The following SHB variants were observed in gnomAD, a reference collection of about 807,000 sequenced individuals.
SHB encodes the protein SH2 domain-containing adapter protein B.
In SHB, 20 loss-of-function variants were observed where a neutral mutation model predicts 52.3. The ratio of observed to expected loss-of-function variants is 0.38; its 90% CI spans 0.27 to 0.56. The LOEUF is 0.56. Among genes scored for constraint, SHB ranks in the 20% least tolerant of loss-of-function variants. The pLI is 0.71. For missense variants in SHB, 825 were observed against 723.3 expected (o/e 1.14, Z -1.61); for synonymous variants, 397 against 316.5 (o/e 1.25, Z -2.70).
chr9:37,999,605 A>G (rs1820988613), intron 2 of SHB, among the ~76,000 whole-genome samples: 1 of 151,868 alleles, frequency 6.6e-6, no homozygotes. Context: ...CAAGCGCCGC[A>G]TACTGAGTGG....
At chr9:38,017,692 C>T (rs7025915) in intron 1 of SHB, among the ~76,000 whole-genome samples, 1,996 of 152,322 alleles carry the variant, frequency 0.013, 44 homozygotes, top group African/African-American at 0.045. Flanking sequence ...CCACTTTCTC[C>T]GTGGCTGTGG....
intron 2 of SHB, among the ~76,000 whole-genome samples, chr9:37,977,089 A>G (rs1820665883): frequency 6.6e-6 from 1 of 152,228 alleles, no homozygotes; most frequent in Non-Finnish European, 1.5e-5. Flanking sequence ...GTTGGGTGGT[A>G]GTAACCTGGG....
chr9:37,946,998 G>A (rs1055145961), intron 5 of SHB, among the ~76,000 whole-genome samples: 19 of 152,152 alleles, frequency 1.2e-4, no homozygotes, highest in Admixed American at 1.2e-3. Flanking sequence ...CAGCATGCCT[G>A]GTGGTGTGCA....
chr9:38,060,639 T>C lies in SHB; in HGVS notation c.717+7290A>G, dbSNP rs765564541. 9.9e-5 allele frequency among the ~76,000 whole-genome samples: 15 copies of C among 152,228 alleles called. No homozygotes were observed. The South Asian group carries it at 1.4e-3, about 15-fold the overall frequency. ...AGAACTGCACCTAGCTCAGAGTATGTATAATAAAAGTATTAGCTAATATTA... is the reference window on the plus strand; with the variant it reads ...AGAACTGCACCTAGCTCAGAGTATGCATAATAAAAGTATTAGCTAATATTA... On this transcript the variant is annotated intron_variant, in intron 1 of 5. Coordinates refer to ENST00000377707, the MANE Select transcript of SHB (RefSeq NM_003028.3).
chr9:37,937,066 T>A (rs1362666515), intron 5 of SHB, among the ~76,000 whole-genome samples: 1 of 152,224 alleles, frequency 6.6e-6, no homozygotes, highest in African/African-American at 2.4e-5. Context: ...CTAGTCAGAC[T>A]TACTTTCTTT....
At chr9:37,957,158 T>C (rs933189873) in intron 3 of SHB, among the ~76,000 whole-genome samples, 1 of 152,170 alleles carries the variant, frequency 6.6e-6, no homozygotes, top group African/African-American at 2.4e-5. Flanking sequence ...GGCCAGAGCC[T>C]GCAGAGGAAG....
Position 38,068,639 on chromosome 9 carries a change from T to C in SHB, c.7A>G (p.Lys3Glu). The change falls in exon 1 of 6, where the codon AAG becomes GAG. Residue 3 changes from lysine to glutamate, a missense_variant. Lys to Glu is a moderately conservative substitution (Grantham distance 56, BLOSUM62 1). Coordinates refer to ENST00000377707, the MANE Select transcript of SHB (RefSeq NM_003028.3). ...AAGCTGAAGTACTTGTTTAGCCACT[T>C]GGCCATGGCGAGAGGCCGCCTAGGG... is the stretch of plus-strand genomic sequence containing the variant. Reference protein sequence around the residue: MAKWLNKYFSLGN... With the variant: MAEWLNKYFSLGN... 2 of 1,451,706 alleles carry C rather than the reference T, an allele frequency of 1.4e-6. No homozygotes were observed. Among genetic ancestry groups the C allele is most frequent in the Non-Finnish European group, 1.8e-6 (2 of 1,111,224 alleles). The allele number at this position is 1,451,706 out of a possible 1,614,324, so 89.9% of individuals were successfully genotyped here. A position where few individuals can be genotyped will look rare whatever the true frequency, so the allele number is the denominator to read the frequency against.
chr9:38,004,105 C>T (rs1260595788), intron 2 of SHB, among the ~76,000 whole-genome samples: 1 of 152,184 alleles, frequency 6.6e-6, no homozygotes, highest in Non-Finnish European at 1.5e-5. Flanking sequence ...TGCTCCCAGG[C>T]CCCCAGCTGT....
intron 5 of SHB, among the ~76,000 whole-genome samples, chr9:37,922,434 G>GCCAA (rs766449165): frequency 3.9e-5 from 6 of 152,232 alleles, no homozygotes; most frequent in Non-Finnish European, 5.9e-5. Flanking sequence ...AATGTCCTCT[G>GCCAA]TACCTTGGCT....
At chr9:37,940,738 T>C (rs1832425456) in intron 5 of SHB, among the ~76,000 whole-genome samples, 1 of 152,116 alleles carries the variant, frequency 6.6e-6, no homozygotes, top group Admixed American at 6.5e-5. Context: ...GACCAGAAAA[T>C]TGAAAAAGTC....
At chr9:38,035,395 G>C (rs1045210204) in intron 1 of SHB, among the ~76,000 whole-genome samples, 1 of 151,950 alleles carries the variant, frequency 6.6e-6, no homozygotes, top group Admixed American at 6.5e-5. Flanking sequence ...AAACTCTATA[G>C]TCCTCCTGAG....
chr9:38,056,952 C>G (rs7341883), intron 1 of SHB, among the ~76,000 whole-genome samples: 43 of 152,344 alleles, frequency 2.8e-4, no homozygotes, highest in African/African-American at 1.0e-3. Flanking sequence ...ATGCAACTAA[C>G]TTGCATTAGA....
chr9:38,039,353 C>T (rs2118135286), intron 1 of SHB, among the ~76,000 whole-genome samples: 1 of 152,350 alleles, frequency 6.6e-6, no homozygotes, highest in East Asian at 1.9e-4. Context: ...AATTGAAAGC[C>T]TAAGGCAAGA....
At chr9:37,998,129 G>A (rs768581268) in intron 2 of SHB, among the ~76,000 whole-genome samples, 30 of 150,716 alleles carry the variant, frequency 2.0e-4, no homozygotes, top group African/African-American at 3.7e-4. Context: ...GGAGCGCGAC[G>A]GGGATTTACA....
intron 1 of SHB, among the ~76,000 whole-genome samples, chr9:38,017,503 T>C (rs1022022688): frequency 6.6e-6 from 1 of 152,154 alleles, no homozygotes; most frequent in Non-Finnish European, 1.5e-5. Flanking sequence ...CTGCCAGGAA[T>C]GTGATGCCCG....
intron 1 of SHB, among the ~76,000 whole-genome samples, chr9:38,021,693 G>A (rs958504960): frequency 1.3e-5 from 2 of 151,954 alleles, no homozygotes; most frequent in Admixed American, 6.5e-5. Context: ...AAAGAATGAT[G>A]AGAGAGGCAG....
intron 3 of SHB, among the ~76,000 whole-genome samples, chr9:37,972,470 C>G (rs998188002): frequency 6.6e-6 from 1 of 152,192 alleles, no homozygotes; most frequent in Non-Finnish European, 1.5e-5. Flanking sequence ...GGTGATGGGA[C>G]AGGTTGTCCT....
At chr9:38,055,374 T>G (rs1412333196) in intron 1 of SHB, among the ~76,000 whole-genome samples, 1 of 152,050 alleles carries the variant, frequency 6.6e-6, no homozygotes, top group Non-Finnish European at 1.5e-5. Flanking sequence ...CAGGCTATAG[T>G]GGTCTGGAAA....
chr9:38,024,563 T>C (rs1355459245), intron 1 of SHB, among the ~76,000 whole-genome samples: 1 of 152,166 alleles, frequency 6.6e-6, no homozygotes, highest in Non-Finnish European at 1.5e-5. Context: ...CACAGCCCAC[T>C]GTCTTCCAGC....
Sources: allele counts gnomAD v4.1 joint callset (sites outside exome capture counted in the v4.1 genomes callset), GRCh38; gene constraint gnomAD v4.1.1; transcripts MANE v1.5; gene names NCBI Gene and HGNC (gene_info 2026-07-23, HGNC 2026-07-21).